SLC4A4: variants seen among roughly 807,000 people sequenced by gnomAD.
SLC4A4 encodes the protein electrogenic sodium bicarbonate cotransporter 1.
In SLC4A4, 27 loss-of-function variants were observed where a neutral mutation model predicts 111.5. The ratio of observed to expected loss-of-function variants is 0.24; its 90% confidence interval spans 0.18 to 0.33. The LOEUF (loss-of-function observed/expected upper bound fraction) is 0.33. Among genes scored for constraint, SLC4A4 ranks in the 10% least tolerant of loss-of-function variants. SLC4A4 has a pLI of 1.00. For synonymous variants in SLC4A4, 443 were observed against 463.4 expected, an observed-to-expected ratio of 0.96 and a Z score of 0.57; for missense variants, 909 against 1,315.5, an observed-to-expected ratio of 0.69 and a Z score of 4.78.
In SLC4A4 at chr4:71,547,753, C is replaced by T. The variant is rs774134115; in HGVS notation, c.2694+33C>T. 4 of 1,517,784 alleles carry T rather than the reference C, an allele frequency of 2.6e-6. No individual in the cohort carries two copies. In the African/African-American group the frequency reaches 5.5e-5, roughly 21 times the overall value. 94.0% of individuals were successfully genotyped at this position (1,517,784 alleles called of 1,614,324 possible). A position where few individuals can be genotyped will look rare whatever the true frequency, so the allele number is the denominator to read the frequency against. On this transcript the variant is annotated intron_variant, in intron 20 of 25. Coordinates refer to ENST00000264485, the MANE Select transcript of SLC4A4 (RefSeq NM_001098484.3). ...TGTGAAACATTCACCTCTTCCTTCT[C>T]AGAACACTGACATATAATTGGACAT...
intron 17 of SLC4A4, among the ~76,000 whole-genome samples, chr4:71,532,718 C>T (rs1734051435): frequency 6.6e-6 from 1 of 152,072 alleles, no homozygotes; most frequent in Admixed American, 6.6e-5. Flanking sequence ...ATTACCCAGT[C>T]TGGTCATCAT....
intron 4 of SLC4A4, among the ~76,000 whole-genome samples, chr4:71,346,857 T>G (rs1440848288): frequency 6.6e-6 from 1 of 152,116 alleles, no homozygotes; most frequent in Non-Finnish European, 1.5e-5. Context: ...TTAAAGCAAT[T>G]TAATAGGCAT....
At chr4:71,453,057 G>A (rs1352467311) in intron 11 of SLC4A4, among the ~76,000 whole-genome samples, 3 of 152,090 alleles carry the variant, frequency 2.0e-5, no homozygotes, top group African/African-American at 7.2e-5. Context: ...TGGGCATATC[G>A]CAGGTGCTCA....
intron 7 of SLC4A4, among the ~76,000 whole-genome samples, chr4:71,421,499 A>C (rs540557335): frequency 6.6e-6 from 1 of 152,330 alleles, no homozygotes; most frequent in South Asian, 2.1e-4. Flanking sequence ...ATAGACATCT[A>C]CAGAACTCTC....
chr4:71,557,048 G>A (rs988723275), intron 21 of SLC4A4, among the ~76,000 whole-genome samples: 4 of 151,878 alleles, frequency 2.6e-5, no homozygotes, highest in Non-Finnish European at 5.9e-5. Flanking sequence ...TTCAATAGCT[G>A]TTTATACATC....
At chr4:71,310,442 G>A (rs1726046280) in intron 3 of SLC4A4, among the ~76,000 whole-genome samples, 1 of 152,110 alleles carries the variant, frequency 6.6e-6, no homozygotes, top group African/African-American at 2.4e-5. Context: ...CAGAGAGAAA[G>A]GTCTGGTTAC....
intron 2 of SLC4A4, among the ~76,000 whole-genome samples, chr4:71,159,805 C>A (rs1251712624): frequency 1.3e-5 from 2 of 152,170 alleles, no homozygotes; most frequent in Admixed American, 6.6e-5. Flanking sequence ...TGATGATCAA[C>A]TAGCCTATAT....
In SLC4A4 at chr4:71,560,266, T is replaced by C. The variant is rs1443776044; in HGVS notation, c.3099+12T>C. On this transcript the variant is annotated intron_variant, in intron 23 of 25. Coordinates refer to ENST00000264485, the MANE Select transcript of SLC4A4 (RefSeq NM_001098484.3). ...GTGACAATGATGATGTAAGGAACTT[T>C]CCAAATTCCAAAGGAAAGCTAGTTA... 20 of 1,597,030 alleles carry C rather than the reference T, an allele frequency of 1.3e-5. No homozygotes were observed. The highest frequency in any genetic ancestry group is 1.6e-5 in the Non-Finnish European group (19 of 1,169,974).
In SLC4A4 at chr4:71,423,897, C is replaced by T. The variant is rs13129265; in HGVS notation, c.808-16719C>T. Among the ~76,000 whole-genome samples, 24 of 152,082 alleles carry T rather than the reference C, an allele frequency of 1.6e-4. No homozygotes were observed. The South Asian group carries it at 3.9e-3, about 25-fold the overall frequency. ...TAAAACCATAAAAACCCTAGAAGAA[C>T]GCCTAGGCATTACCATTCAGGACAT... On this transcript the variant is annotated intron_variant, in intron 7 of 25. Coordinates refer to ENST00000264485, the MANE Select transcript of SLC4A4 (RefSeq NM_001098484.3).
At chr4:71,547,513 T>A (rs1343188112) in intron 19 of SLC4A4, 135 bp from the exon 20 acceptor site, 1 of 755,194 alleles carries the variant, frequency 1.3e-6, no homozygotes, top group African/African-American at 1.7e-5. Flanking sequence ...GAGGTATTAT[T>A]TACATGATAT....
chr4:71,131,170 C>T (rs1743690244), intron 2 of SLC4A4, among the ~76,000 whole-genome samples: 1 of 152,140 alleles, frequency 6.6e-6, no homozygotes. Flanking sequence ...TCTGTCTGTC[C>T]ATCTCATACT....
At chr4:71,415,418 A>G (rs1027017024) in intron 7 of SLC4A4, among the ~76,000 whole-genome samples, 4 of 152,170 alleles carry the variant, frequency 2.6e-5, no homozygotes, top group African/African-American at 9.7e-5. Context: ...ACTATCTACT[A>G]TACTATTTCA....
intron 7 of SLC4A4, among the ~76,000 whole-genome samples, chr4:71,425,314 CT>C (rs1301431680): frequency 6.6e-6 from 1 of 152,104 alleles, no homozygotes; most frequent in Non-Finnish European, 1.5e-5. Context: ...TATATAGAGC[CT>C]TCTGCTTCAG....
chr4:71,563,716 G>A lies in SLC4A4; in HGVS notation c.3100-77G>A, dbSNP rs6812916. The A allele has an allele frequency of 0.2, 181,850 of 906,478 alleles. 19,977 individuals are homozygous for A. Among genetic ancestry groups the A allele is most frequent in the Admixed American group, 0.36 (20,792 of 58,508 alleles). 56.2% of individuals were successfully genotyped at this position (906,478 alleles called of 1,614,324 possible). ...TAGTATGTAAATGATTATAGAAAAC[G>A]GTTTGATCGATGCTAGGAGATAGGA... is the stretch of plus-strand genomic sequence containing the variant. On this transcript the variant is annotated intron_variant, in intron 23 of 25. Coordinates refer to ENST00000264485, the MANE Select transcript of SLC4A4 (RefSeq NM_001098484.3).
At chr4:71,410,609 G>C (rs1441728550) in intron 7 of SLC4A4, among the ~76,000 whole-genome samples, 1 of 152,202 alleles carries the variant, frequency 6.6e-6, no homozygotes, top group African/African-American at 2.4e-5. Context: ...TGTCTCAGGT[G>C]AGACTTTGGA....
chr4:71,505,443 AT>A (rs1473978147), intron 16 of SLC4A4, among the ~76,000 whole-genome samples: 5 of 151,646 alleles, frequency 3.3e-5, no homozygotes, highest in African/African-American at 1.2e-4. Flanking sequence ...TTCTGTAATG[AT>A]TAGTAATGTT....
chr4:71,316,154 G>A (rs979825898), intron 3 of SLC4A4, among the ~76,000 whole-genome samples: 80 of 152,174 alleles, frequency 5.3e-4, no homozygotes, highest in African/African-American at 1.1e-3. Flanking sequence ...AGCAGTGTCA[G>A]TATCTCAGTA....
At chr4:71,562,007 TACTGCTCTCTAGTG>T (rs1348597346) in intron 23 of SLC4A4, among the ~76,000 whole-genome samples, 2 of 151,822 alleles carry the variant, frequency 1.3e-5, no homozygotes, top group African/African-American at 4.8e-5. Flanking sequence ...GTTTTAAATG[TACTGCTCTCTAGTG>T]ACAAAAGTTG....
At chr4:71,414,386 CA>C (rs1721656407) in intron 7 of SLC4A4, among the ~76,000 whole-genome samples, 1 of 152,188 alleles carries the variant, frequency 6.6e-6, no homozygotes, top group Admixed American at 6.5e-5. Context: ...TAGGGTGGAG[CA>C]AAGGGTGGGA....
Sources: allele counts gnomAD v4.1 joint callset (sites outside exome capture counted in the v4.1 genomes callset), GRCh38; gene constraint gnomAD v4.1.1; transcripts MANE v1.5; gene names NCBI Gene and HGNC (gene_info 2026-07-23, HGNC 2026-07-21).